ACP2: variants seen among roughly 807,000 people sequenced by gnomAD.
The protein encoded by ACP2 is lysosomal acid phosphatase.
ACP2 carries 35 observed loss-of-function variants against 54.7 expected under a neutral mutation model. The ratio of observed to expected loss-of-function variants is 0.64; its 90% CI spans 0.49 to 0.85. ACP2 has a LOEUF of 0.85. Among genes scored for constraint, ACP2 ranks in the 40% least tolerant of loss-of-function variants. ACP2 has a pLI of 0.00. For missense variants in ACP2, 492 were observed against 565.0 expected, an observed-to-expected ratio of 0.87 and a Z score of 1.31; for synonymous variants, 210 against 224.4, an observed-to-expected ratio of 0.94 and a Z score of 0.57.
intron 10 of ACP2, among the ~76,000 whole-genome samples, chr11:47,241,989 A>G (rs1953893939): frequency 6.6e-6 from 1 of 152,198 alleles, no homozygotes; most frequent in African/African-American, 2.4e-5. Context: ...AGGCTGCATG[A>G]GATCACTTGG....
chr11:47,247,611 T>A (rs999996277), intron 3 of ACP2, 30 bp downstream of exon 3: 3 of 1,613,584 alleles, frequency 1.9e-6, no homozygotes, highest in Non-Finnish European at 2.5e-6. Flanking sequence ...CATACCTTGT[T>A]CCCCTTGCCT....
In ACP2 at chr11:47,247,727, C is replaced by T; in HGVS notation, c.211G>A (p.Glu71Lys). The T allele has an allele frequency of 6.2e-7, 1 of 1,613,400 alleles. No homozygotes were observed. The highest frequency in any genetic ancestry group is 1.3e-5 in the African/African-American group (1 of 75,038). ...AGTTCCCAGTGCTGTAGCATCCCCTCCTGTGGGCAAACCCAAGGGTTAAGA... is the reference window on the plus strand; with the variant it reads ...AGTTCCCAGTGCTGTAGCATCCCCTTCTGTGGGCAAACCCAAGGGTTAAGA... ...WPQGFGQLTK[E>K]GMLQHWELGQ... The change falls in exon 3 of 11, where the codon GAG (glutamate) becomes AAG (lysine). Residue 71 changes from glutamate (E) to lysine (K), a missense_variant and splice_region_variant. Transcript: ENST00000672073.
intron 3 of ACP2, chr11:47,247,353 A>G (rs929011934): frequency 1.6e-5 from 8 of 512,606 alleles, no homozygotes; most frequent in East Asian, 3.6e-5. Flanking sequence ...TAGGTACTCA[A>G]TGTCTTGGAT....
intron 10 of ACP2, 131 bp downstream of exon 10, chr11:47,242,592 T>C: frequency 1.9e-6 from 2 of 1,043,938 alleles, no homozygotes; most frequent in Non-Finnish European, 1.4e-6. Context: ...TATAAAGCAG[T>C]CTGGGGTCGG....
At chr11:47,248,480 C>G in intron 1 of ACP2, 196 bp downstream of exon 1, 1 of 1,549,190 alleles carries the variant, frequency 6.5e-7, no homozygotes, top group African/African-American at 1.4e-5. Context: ...TCAAGGCAGA[C>G]TCACCCCGAC....
intron 2 of ACP2, 100 bp from the exon 3 acceptor site, chr11:47,247,827 G>T: frequency 8.2e-7 from 1 of 1,214,848 alleles, no homozygotes; most frequent in Non-Finnish European, 1.2e-6. Context: ...ACGCTTTGCT[G>T]GAGTCAATTA....
chr11:47,244,359 A>G (rs1464975549), intron 7 of ACP2, among the ~76,000 whole-genome samples: 1 of 152,122 alleles, frequency 6.6e-6, no homozygotes, highest in Non-Finnish European at 1.5e-5. Flanking sequence ...TACTAAAAAT[A>G]CAAAAGTTAG....
intron 10 of ACP2, among the ~76,000 whole-genome samples, chr11:47,241,355 T>C (rs1483409291): frequency 6.6e-6 from 1 of 152,076 alleles, no homozygotes; most frequent in African/African-American, 2.4e-5. Flanking sequence ...TCATCTCTAC[T>C]GAAAATACAA....
intron 7 of ACP2, among the ~76,000 whole-genome samples, chr11:47,243,918 C>T (rs1003929660): frequency 3.3e-5 from 5 of 152,096 alleles, no homozygotes; most frequent in Admixed American, 1.3e-4. Flanking sequence ...GGGCAGATCA[C>T]CAGAGGTCAG....
intron 10 of ACP2, among the ~76,000 whole-genome samples, chr11:47,242,323 T>TCTCA (rs1420601942): frequency 6.6e-6 from 1 of 152,120 alleles, no homozygotes; most frequent in African/African-American, 2.4e-5. Flanking sequence ...GGGAAGAGGC[T>TCTCA]GGTGGCTGGG....
In ACP2 at chr11:47,239,459, C is replaced by T. The variant is rs967159231; in HGVS notation, c.*657G>A. The T allele has an allele frequency of 1.2e-5, 2 of 166,332 alleles. No individual in the cohort carries two copies. Among genetic ancestry groups the T allele is most frequent in the Non-Finnish European group, 1.3e-5 (1 of 76,188 alleles). The allele number at this position is 166,332 out of a possible 1,614,324, so 10.3% of individuals were successfully genotyped here. On this transcript the variant is annotated 3_prime_UTR_variant, in exon 11 of 11. Coordinates refer to ENST00000672073, the MANE Select transcript of ACP2 (RefSeq NM_001610.4). ...GCTGAGGGAGAGCAGTTTCCTGATT[C>T]GTGTGACAAGCAACTCCCTTCCCAC... is the stretch of plus-strand genomic sequence containing the variant.
rs774645184 is a variant in ACP2, at chr11:47,245,799, G to C, written c.333C>G (p.Leu111=). The change falls in exon 4 of 11, where the codon CTC becomes CTG. Residue 111 remains leucine, a synonymous_variant. Coordinates refer to ENST00000672073, the MANE Select transcript of ACP2 (RefSeq NM_001610.4). ...YVRSTDFDRT[L]MSAEANLAGL... ...CAGCCAGGTTGGCCTCAGCACTCAT[G>C]AGAGTCCGGTCAAAGTCTGTGCTTC... 1.9e-6 allele frequency: 3 copies of C among 1,598,144 alleles called. No homozygotes were observed. The highest frequency in any genetic ancestry group is 2.2e-5 in the East Asian group (1 of 44,710).
At chr11:47,248,321 T>C in intron 1 of ACP2, 188 bp from the exon 2 acceptor site, 1 of 1,058,600 alleles carries the variant, frequency 9.4e-7, no homozygotes, top group Middle Eastern at 2.1e-4. Flanking sequence ...AGCTAAGCAA[T>C]GCTACTGGAG....
Position 47,239,985 on chromosome 11 carries a change from A to T in ACP2, c.*131T>A. ...GGGCCACGCTGAGCCCCACTCGCTCATCTGGCTGGGGTCATCAGAGGGAGG... is the reference window on the plus strand; with the variant it reads ...GGGCCACGCTGAGCCCCACTCGCTCTTCTGGCTGGGGTCATCAGAGGGAGG... On this transcript the variant is annotated 3_prime_UTR_variant, in exon 11 of 11. Coordinates refer to ENST00000672073, the MANE Select transcript of ACP2 (RefSeq NM_001610.4). 5.2e-6 allele frequency: 5 copies of T among 958,494 alleles called. No homozygotes were observed. In the East Asian group the frequency reaches 9.9e-5, roughly 19 times the overall value. 59.4% of individuals were successfully genotyped at this position (958,494 alleles called of 1,614,324 possible). A position where few individuals can be genotyped will look rare whatever the true frequency, so the allele number is the denominator to read the frequency against.
In ACP2 at chr11:47,242,731, G is replaced by A. The variant is rs1201148071; in HGVS notation, c.1130C>T (p.Ala377Val). 3.7e-5 allele frequency: 59 copies of A among 1,613,070 alleles called. No homozygotes were observed. Among genetic ancestry groups the A allele is most frequent in the Non-Finnish European group, 4.6e-5 (54 of 1,179,484 alleles). ...GGCCGGTGACAGCTCACCTGTGTCT[G>A]CAGGACCGCTTGCCAGCTGGCACTC... is the stretch of plus-strand genomic sequence containing the variant. The part of the protein sequence containing the change: ...QQECQLASGP[A>V]DTEVIVALAV... Residue 377 changes from alanine (A) to valine (V), a missense_variant, in exon 10 of 11, where the codon GCA (alanine) becomes GTA (valine). By Grantham distance (64) the Ala-to-Val change is moderately conservative. Transcript: ENST00000672073.
Position 47,243,116 on chromosome 11 carries a change from A to C in ACP2, c.864T>G (p.Thr288=). 1 of 1,614,198 alleles carries C rather than the reference A, an allele frequency of 6.2e-7. No individual in the cohort carries two copies. Among genetic ancestry groups the C allele is most frequent in the Non-Finnish European group, 8.5e-7 (1 of 1,180,004 alleles). ...PKLLVYSAHD[T]TLVALQMALD... ...GTGCCATTTGCAGGGCAACCAGGGT[A>C]GTGTCGTGCTGCGGGGGAGAGGGGC... Residue 288 remains threonine, a synonymous_variant, in exon 9 of 11, where the codon ACT becomes ACG. Coordinates refer to ENST00000672073, the MANE Select transcript of ACP2 (RefSeq NM_001610.4).
chr11:47,247,471 T>TCAGCTCCTAGGGCTTTGTTCCAGA (rs1954199581), intron 3 of ACP2, 170 bp downstream of exon 3: 2 of 749,150 alleles, frequency 2.7e-6, no homozygotes, highest in Non-Finnish European at 4.4e-6. Flanking sequence ...CAGGGGCAAC[T>TCAGCTCCTAGGGCTTTGTTCCAGA]CAGCTCCTAG....
chr11:47,247,531 A>C, intron 3 of ACP2, 110 bp downstream of exon 3: 2 of 1,284,824 alleles, frequency 1.6e-6, no homozygotes, highest in South Asian at 1.2e-5. Context: ...GTTGTGACCA[A>C]AAATACAAGA....
chr11:47,246,605 G>A (rs926847819), intron 3 of ACP2, among the ~76,000 whole-genome samples: 1 of 152,072 alleles, frequency 6.6e-6, no homozygotes, highest in Non-Finnish European at 1.5e-5. Flanking sequence ...GCCGGGCACG[G>A]TGGCTCATGC....
Sources: allele counts gnomAD v4.1 joint callset (sites outside exome capture counted in the v4.1 genomes callset), GRCh38; gene constraint gnomAD v4.1.1; transcripts MANE v1.5; gene names NCBI Gene and HGNC (gene_info 2026-07-23, HGNC 2026-07-21).